CDC14A: variants seen among roughly 807,000 people sequenced by gnomAD.
The protein encoded by CDC14A is cell division cycle 14A, also known as dual specificity protein phosphatase CDC14A.
In CDC14A, 53 loss-of-function variants were observed where a neutral mutation model predicts 74.4. That is an observed-to-expected ratio of 0.71 (90% CI 0.57 to 0.89). CDC14A has a LOEUF of 0.89. Ranked by LOEUF, CDC14A falls within the 40% of genes least tolerant of loss-of-function variation. CDC14A has a pLI of 0.00. For synonymous variants in CDC14A, 247 were observed against 258.4 expected (o/e 0.96, Z 0.43); for missense variants, 646 against 713.7 (o/e 0.91, Z 1.08).
At chr1:100,388,232 A>G (rs933149272) in intron 3 of CDC14A, among the ~76,000 whole-genome samples, 1 of 152,232 alleles carries the variant, frequency 6.6e-6, no homozygotes, top group African/African-American at 2.4e-5. Flanking sequence ...AGATGATAGG[A>G]GATGCTTAGG....
chr1:100,441,973 A>T (rs1030054245), intron 6 of CDC14A, among the ~76,000 whole-genome samples: 1 of 152,074 alleles, frequency 6.6e-6, no homozygotes, highest in Non-Finnish European at 1.5e-5. Context: ...TGACTTGATC[A>T]TGTAACTTTT....
chr1:100,353,157 C>A (rs1271802397), intron 1 of CDC14A, among the ~76,000 whole-genome samples, 154 bp downstream of exon 1: 1 of 152,240 alleles, frequency 6.6e-6, no homozygotes, highest in Non-Finnish European at 1.5e-5. Context: ...TCTCCGAGGA[C>A]CCCCTGCTTC....
At chr1:100,419,154 C>T (rs537975660) in intron 4 of CDC14A, among the ~76,000 whole-genome samples, 20 of 152,166 alleles carry the variant, frequency 1.3e-4, no homozygotes, top group Admixed American at 9.8e-4. Context: ...CCACTGCACT[C>T]CAGCCTGTGT....
intron 10 of CDC14A, chr1:100,481,228 G>T (rs1326265524): frequency 6.6e-6 from 1 of 152,312 alleles, no homozygotes; most frequent in African/African-American, 2.4e-5. Flanking sequence ...TAGAGAGTGG[G>T]TTATGTTTCT....
At chr1:100,374,267 C>T (rs537991566) in intron 2 of CDC14A, among the ~76,000 whole-genome samples, 18 of 152,194 alleles carry the variant, frequency 1.2e-4, no homozygotes, top group African/African-American at 3.1e-4. Flanking sequence ...AATAAACGTA[C>T]GTGTGCATGT....
rs1427569163 is a variant in CDC14A at position 100,498,119 on chromosome 1, T to C, written c.1333T>C (p.Leu445=). The C allele has an allele frequency of 6.2e-7, 1 of 1,614,182 alleles. No individual in the cohort carries two copies. Residue 445 remains leucine, a synonymous_variant, in exon 14 of 16, where the codon TTG becomes CTG. Coordinates refer to ENST00000336454, the MANE Select transcript of CDC14A (RefSeq NM_003672.4). ...SSSLQGSAVT[L]KTSKMALSPS... is the part of the protein sequence containing the mutation. ...ATCCCTGCAAGGATCTGCAGTTACTTTGAAGACATCAAAAATGGCACTGTC... is the reference window on the plus strand; with the variant it reads ...ATCCCTGCAAGGATCTGCAGTTACTCTGAAGACATCAAAAATGGCACTGTC...
At chr1:100,411,692 G>T (rs571373289) in intron 4 of CDC14A, among the ~76,000 whole-genome samples, 74 of 152,228 alleles carry the variant, frequency 4.9e-4, no homozygotes, top group African/African-American at 1.7e-3. Flanking sequence ...TGATTCATTT[G>T]TTCATTCTTT....
chr1:100,472,379 C>T (rs1204435495), intron 10 of CDC14A, among the ~76,000 whole-genome samples: 1 of 152,106 alleles, frequency 6.6e-6, no homozygotes, highest in African/African-American at 2.4e-5. Context: ...TTGTCAGTCT[C>T]TTAAATTTAA....
At chr1:100,418,363 A>G (rs950077909) in intron 4 of CDC14A, among the ~76,000 whole-genome samples, 2 of 152,168 alleles carry the variant, frequency 1.3e-5, no homozygotes, top group African/African-American at 4.8e-5. Context: ...ATAGGTAGAA[A>G]TGGTGAGGAA....
chr1:100,371,194 C>T (rs1222605508), intron 2 of CDC14A, among the ~76,000 whole-genome samples: 3 of 152,124 alleles, frequency 2.0e-5, no homozygotes, highest in African/African-American at 7.2e-5. Context: ...GTTCCAGGAG[C>T]CTTTTGGCAG....
At position 100,390,783 on chromosome 1, in the gene CDC14A, C is replaced by T. The variant is rs772919579; in HGVS notation, c.268C>T (p.Arg90Trp). ...KIVHYTCFDQ[R>W]KRANAAFLIG... ...AGTGCACTACACCTGTTTTGACCAA[C>T]GGAAAAGAGCAAATGCAGCATTTTT... The change falls in exon 4 of 16, where the codon CGG (arginine) becomes TGG (tryptophan). Residue 90 changes from arginine (R) to tryptophan (W), a missense_variant. Transcript: ENST00000336454. 1.4e-5 allele frequency: 22 copies of T among 1,613,128 alleles called. No individual in the cohort carries two copies. The highest frequency in any genetic ancestry group is 5.5e-5 in the South Asian group (5 of 91,070).
chr1:100,499,064 C>T lies in CDC14A; in HGVS notation c.1557C>T (p.Gly519=). The T allele has an allele frequency of 6.2e-7, 1 of 1,614,184 alleles. No homozygotes were observed. Among genetic ancestry groups the T allele is most frequent in the South Asian group, 1.1e-5 (1 of 91,084 alleles). ...TASPFTNLLN[G]SSQPTTRNYP... Reference sequence around the variant, plus strand: ...GCCCGTTTACCAACCTCTTGAATGGCAGCTCCCAGCCAACTACCAGAAATT... The same window carrying T: ...GCCCGTTTACCAACCTCTTGAATGGTAGCTCCCAGCCAACTACCAGAAATT... The change falls in exon 15 of 16, where the codon GGC becomes GGT. Residue 519 remains glycine (G), a synonymous_variant. Coordinates refer to ENST00000336454, the MANE Select transcript of CDC14A (RefSeq NM_003672.4).
At chr1:100,498,344 C>A in intron 14 of CDC14A, 137 bp downstream of exon 14, 1 of 943,600 alleles carries the variant, frequency 1.1e-6, no homozygotes, top group Non-Finnish European at 1.6e-6. Flanking sequence ...CTGTGATGTT[C>A]TGGGGCTTCC....
At chr1:100,502,492 T>TG (rs1648848823) in intron 15 of CDC14A, among the ~76,000 whole-genome samples, 1 of 152,214 alleles carries the variant, frequency 6.6e-6, no homozygotes, top group Admixed American at 6.5e-5. Flanking sequence ...CTCTACCATC[T>TG]AGGTTTGTAT....
intron 2 of CDC14A, among the ~76,000 whole-genome samples, chr1:100,355,021 A>G (rs1191680357): frequency 6.6e-6 from 1 of 152,204 alleles, no homozygotes; most frequent in Non-Finnish European, 1.5e-5. Flanking sequence ...TGAATGGCTA[A>G]AGTAAGAGTG....
chr1:100,471,489 A>AT (rs1042018773), intron 10 of CDC14A, among the ~76,000 whole-genome samples: 7 of 152,048 alleles, frequency 4.6e-5, no homozygotes, highest in South Asian at 2.1e-4. Context: ...AAACCGAAGA[A>AT]TTTTTTTTAT....
In CDC14A at chr1:100,357,482, C is replaced by T. The variant is rs142011040; in HGVS notation, c.140+3630C>T. ...AGTAACCCGGGCTCTGTCTGGAGGA[C>T]GTCCTACAGCGAGAAAGATTTTGAC... is the stretch of plus-strand genomic sequence containing the variant. On this transcript the variant is annotated intron_variant, in intron 2 of 15. Transcript: ENST00000336454. 5.0e-4 allele frequency among the ~76,000 whole-genome samples: 76 copies of T among 152,240 alleles called. 1 individual carries two copies. In the East Asian group the frequency reaches 8.3e-3, roughly 17 times the overall value.
At chr1:100,490,879 G>A (rs2101395257) in intron 11 of CDC14A, among the ~76,000 whole-genome samples, 1 of 152,332 alleles carries the variant, frequency 6.6e-6, no homozygotes, top group Middle Eastern at 3.4e-3. Flanking sequence ...TATTAAAAAT[G>A]TATGCAGTAT....
chr1:100,412,981 C>T (rs565109882), intron 4 of CDC14A, among the ~76,000 whole-genome samples: 7 of 150,704 alleles, frequency 4.6e-5, no homozygotes, highest in South Asian at 2.1e-4. Flanking sequence ...CACTTAAACC[C>T]GGGAGATGGA....
Sources: allele counts gnomAD v4.1 joint callset (sites outside exome capture counted in the v4.1 genomes callset), GRCh38; gene constraint gnomAD v4.1.1; transcripts MANE v1.5; gene names NCBI Gene and HGNC (gene_info 2026-07-23, HGNC 2026-07-21).